The following PRKCB variants were observed in gnomAD, a reference collection of about 807,000 sequenced individuals.
The protein encoded by PRKCB is protein kinase C beta type.
Under a neutral mutation model 81.5 loss-of-function variants are expected in PRKCB, and 13 were observed. That is an observed-to-expected ratio of 0.16 (90% confidence interval 0.10 to 0.25). PRKCB has a LOEUF of 0.25. PRKCB is among the 10% of genes least tolerant of loss of function. The pLI is 1.00. For synonymous variants in PRKCB, 335 were observed against 321.4 expected (o/e 1.04, Z -0.45); for missense variants, 509 against 875.7 (o/e 0.58, Z 5.29).
intron 2 of PRKCB, among the ~76,000 whole-genome samples, chr16:23,879,039 G>A (rs527647059): frequency 2.0e-5 from 3 of 152,242 alleles, no homozygotes; most frequent in South Asian, 2.1e-4. Flanking sequence ...TCAGTGGGGC[G>A]TGGTGGCACG....
At chr16:23,919,982 A>G (rs886772017) in intron 2 of PRKCB, among the ~76,000 whole-genome samples, 1 of 152,168 alleles carries the variant, frequency 6.6e-6, no homozygotes, top group Non-Finnish European at 1.5e-5. Context: ...ATATCTCTTC[A>G]AGGCCCTGTT....
intron 3 of PRKCB, among the ~76,000 whole-genome samples, chr16:24,019,506 G>A (rs1301953296): frequency 6.6e-6 from 1 of 152,196 alleles, no homozygotes; most frequent in Admixed American, 6.5e-5. Context: ...GCTCACGCCT[G>A]TAATCCTAGC....
At chr16:24,022,854 T>TA (rs1965423954) in intron 3 of PRKCB, among the ~76,000 whole-genome samples, 1 of 152,186 alleles carries the variant, frequency 6.6e-6, no homozygotes, top group Non-Finnish European at 1.5e-5. Flanking sequence ...TTTGGATTTC[T>TA]AAGAAGCACC....
intron 7 of PRKCB, among the ~76,000 whole-genome samples, chr16:24,097,618 A>G (rs543695618): frequency 1.1e-4 from 16 of 152,336 alleles, no homozygotes; most frequent in African/African-American, 3.8e-4. Context: ...AGGATGTGCC[A>G]GTGACACAGA....
chr16:23,880,210 T>C (rs980100756), intron 2 of PRKCB, among the ~76,000 whole-genome samples: 3 of 152,132 alleles, frequency 2.0e-5, no homozygotes, highest in Non-Finnish European at 4.4e-5. Flanking sequence ...TCACCTCTTG[T>C]GCTCACACAG....
chr16:24,188,731 TAA>T (rs989284403), intron 15 of PRKCB, among the ~76,000 whole-genome samples: 23 of 152,296 alleles, frequency 1.5e-4, no homozygotes, highest in Non-Finnish European at 2.8e-4. Context: ...CATAAAGCTA[TAA>T]GAGTCCTGAG....
chr16:24,188,853 G>T (rs1967745485), intron 15 of PRKCB, among the ~76,000 whole-genome samples: 1 of 152,206 alleles, frequency 6.6e-6, no homozygotes, highest in African/African-American at 2.4e-5. Context: ...GGGGATAATA[G>T]TTGCTGAGGC....
At chr16:23,961,751 G>A (rs538181825) in intron 2 of PRKCB, among the ~76,000 whole-genome samples, 1 of 152,066 alleles carries the variant, frequency 6.6e-6, no homozygotes, top group South Asian at 2.1e-4. Flanking sequence ...TGCCAGTTGA[G>A]CATCCCAAAT....
At chr16:24,057,556 C>G (rs113767263) in intron 5 of PRKCB, among the ~76,000 whole-genome samples, 16 of 152,268 alleles carry the variant, frequency 1.1e-4, no homozygotes, top group African/African-American at 3.6e-4. Context: ...ATTCTTTACA[C>G]GCTGAGTATT....
At chr16:24,042,576 A>G (rs572515429) in intron 5 of PRKCB, among the ~76,000 whole-genome samples, 1 of 152,252 alleles carries the variant, frequency 6.6e-6, no homozygotes, top group South Asian at 2.1e-4. Context: ...TCCATCCATC[A>G]ATCTGTCTTA....
intron 2 of PRKCB, among the ~76,000 whole-genome samples, chr16:23,966,210 A>G (rs1596490360): frequency 6.6e-6 from 1 of 152,348 alleles, no homozygotes; most frequent in East Asian, 1.9e-4. Context: ...TCACAGTTCC[A>G]TCTCTTGCCC....
intron 8 of PRKCB, among the ~76,000 whole-genome samples, chr16:24,114,718 A>C (rs1966716316): frequency 6.6e-6 from 1 of 152,198 alleles, no homozygotes; most frequent in Non-Finnish European, 1.5e-5. Context: ...CAAACTCAAT[A>C]CACTGAGTCT....
At chr16:24,152,796 G>T (rs959238385) in intron 9 of PRKCB, among the ~76,000 whole-genome samples, 27 of 152,202 alleles carry the variant, frequency 1.8e-4, no homozygotes, top group African/African-American at 6.5e-4. Context: ...GCCCTGTCTT[G>T]CCATGCACGT....
chr16:24,086,521 A>G (rs1567369342), intron 5 of PRKCB, among the ~76,000 whole-genome samples: 2 of 152,214 alleles, frequency 1.3e-5, no homozygotes, highest in Non-Finnish European at 2.9e-5. Flanking sequence ...ATGCAAACCA[A>G]AAGTTTTTAA....
chr16:24,214,119 T>G (rs569477547), intron 16 of PRKCB, among the ~76,000 whole-genome samples: 1 of 151,970 alleles, frequency 6.6e-6, no homozygotes, highest in South Asian at 2.1e-4. Flanking sequence ...GTGGCTGGAG[T>G]TTATAAATTG....
chr16:23,839,457 G>A lies in PRKCB; in HGVS notation c.205+2051G>A, dbSNP rs372023338. Among the ~76,000 whole-genome samples the A allele has an allele frequency of 6.6e-5, 10 of 152,174 alleles. No homozygotes were observed. The East Asian group carries it at 1.9e-3, about 29-fold the overall frequency. ...CCTGGCTAATTTTAAAACAACTTTT[G>A]TAGAGAAGGGGTCTTGTGATGTTGC... On this transcript the variant is annotated intron_variant, in intron 2 of 16. Coordinates refer to ENST00000643927, the MANE Select transcript of PRKCB (RefSeq NM_002738.7).
At chr16:24,093,106 C>T (rs1351283166) in intron 6 of PRKCB, among the ~76,000 whole-genome samples, 159 bp downstream of exon 6, 1 of 152,140 alleles carries the variant, frequency 6.6e-6, no homozygotes, top group East Asian at 1.9e-4. Flanking sequence ...TCCCTCCCTT[C>T]TTTTCCATCT....
At chr16:24,094,950 A>G (rs1156375567) in intron 7 of PRKCB, among the ~76,000 whole-genome samples, 1 of 151,070 alleles carries the variant, frequency 6.6e-6, no homozygotes, top group Non-Finnish European at 1.5e-5. Flanking sequence ...GGAGGGACAG[A>G]AGGAGGGAGG....
rs560612922 is a variant in PRKCB at position 24,001,620 on chromosome 16, A to C, written c.288+13030A>C. Among the ~76,000 whole-genome samples, 5 of 152,374 alleles carry C rather than the reference A, an allele frequency of 3.3e-5. No individual in the cohort carries two copies. The South Asian group carries it at 1.0e-3, about 32-fold the overall frequency. ...TCAAAAAGAAATTGAAAACCAGAAT[A>C]GGCAAATAACCGAGAAAGAAATGAA... On this transcript the variant is annotated intron_variant, in intron 3 of 16. Coordinates refer to ENST00000643927, the MANE Select transcript of PRKCB (RefSeq NM_002738.7).
Sources: gnomAD v4.1 joint callset for allele counts (sites outside exome capture counted in the v4.1 genomes callset) on GRCh38, gnomAD v4.1.1 for gene constraint, MANE v1.5 for transcripts, NCBI Gene and HGNC (gene_info 2026-07-23, HGNC 2026-07-21) for gene names.